PFKL: variants seen among roughly 807,000 people sequenced by gnomAD.
PFKL encodes ATP-dependent 6-phosphofructokinase, liver type.
In PFKL, 74 loss-of-function variants were observed where a neutral mutation model predicts 92.1. The ratio of observed to expected loss-of-function variants is 0.80; its 90% confidence interval spans 0.67 to 0.97. The LOEUF is 0.97. PFKL is among the 50% of genes least tolerant of loss of function. The pLI, the probability that PFKL is intolerant of heterozygous loss-of-function variation, is 0.00. For synonymous variants in PFKL, 494 were observed against 456.4 expected, an observed-to-expected ratio of 1.08 and a Z score of -1.05; for missense variants, 1,028 against 1,116.6, an observed-to-expected ratio of 0.92 and a Z score of 1.13.
At chr21:44,326,353 C>T in intron 21 of PFKL, 89 bp downstream of exon 21, 1 of 987,374 alleles carries the variant, frequency 1.0e-6, no homozygotes. Flanking sequence ...CCCAGCCCCA[C>T]TGGCACCCTG....
intron 7 of PFKL, chr21:44,315,918 G>T (rs747462319): frequency 1.8e-5 from 7 of 387,204 alleles, no homozygotes; most frequent in South Asian, 1.3e-4. Context: ...CGCCTGGAAG[G>T]CTTCACCAGA....
chr21:44,325,451 G>GTGGGGCTGGGGC, intron 19 of PFKL, 187 bp downstream of exon 19: 1 of 595,374 alleles, frequency 1.7e-6, no homozygotes, highest in Non-Finnish European at 3.0e-6. Context: ...TCAAGAAGGG[G>GTGGGGCTGGGGC]TGGGGCTGGG....
intron 19 of PFKL, chr21:44,325,579 C>T (rs1041883243): frequency 2.0e-6 from 1 of 510,702 alleles, no homozygotes; most frequent in Non-Finnish European, 3.6e-6. Flanking sequence ...ATGCTCCCTG[C>T]CTTATGGTGG....
rs1555874972 is a variant in PFKL at position 44,303,441 on chromosome 21, A to AAAAAAAAAAAAAAAAAAGACTTGATCG, written c.86-3226_86-3225insAAAGACTTGATCGAAAAAAAAAAAAAA. On this transcript the variant is annotated intron_variant, in intron 1 of 21. Transcript: ENST00000349048. ...AAAAAAACAGACTTGACCAAAAAAA[A>AAAAAAAAAAAAAAAAAAGACTTGATCG]AAAAAAAAAAAAAATGGCCCGGCCT... is the stretch of plus-strand genomic sequence containing the variant. Among the ~76,000 whole-genome samples, 14 of 97,136 alleles carry AAAAAAAAAAAAAAAAAAGACTTGATCG rather than the reference A, an allele frequency of 1.4e-4. 2 individuals are homozygous for AAAAAAAAAAAAAAAAAAGACTTGATCG. Among genetic ancestry groups the AAAAAAAAAAAAAAAAAAGACTTGATCG allele is most frequent in the African/African-American group, 3.7e-4 (7 of 18,970 alleles). The allele number at this position is 97,136 out of a possible 152,430, so 63.7% of individuals were successfully genotyped here. A position where few individuals can be genotyped will look rare whatever the true frequency, so the allele number is the denominator to read the frequency against.
At chr21:44,312,026 C>G in intron 3 of PFKL, 79 bp from the exon 4 acceptor site, 1 of 1,210,874 alleles carries the variant, frequency 8.3e-7, no homozygotes, top group South Asian at 1.9e-5. Context: ...GCTGCCCAGT[C>G]CTGGGGTCCC....
chr21:44,325,101 G>C lies in PFKL; in HGVS notation c.1878-52G>C, dbSNP rs567408693. 395 of 1,367,574 alleles carry C rather than the reference G, an allele frequency of 2.9e-4. 1 individual carries two copies. The East Asian group carries it at 5.8e-3, about 20-fold the overall frequency. The allele number at this position is 1,367,574 out of a possible 1,614,324, so 84.7% of individuals were successfully genotyped here. On this transcript the variant is annotated intron_variant, in intron 18 of 21. Coordinates refer to ENST00000349048, the MANE Select transcript of PFKL (RefSeq NM_002626.6). ...CTGGCCCAGCGGGGACTCAGGATCG[G>C]GGGGAGACCTGAACTCGTTCCCGCC...
intron 16 of PFKL, 115 bp downstream of exon 16, chr21:44,324,033 G>A: frequency 7.8e-7 from 1 of 1,276,694 alleles, no homozygotes; most frequent in Non-Finnish European, 1.1e-6. Flanking sequence ...GGGCTGCCAG[G>A]GTTGGGGTTT....
chr21:44,306,942 C>T (rs570735760), intron 2 of PFKL, among the ~76,000 whole-genome samples, 188 bp downstream of exon 2: 1 of 152,312 alleles, frequency 6.6e-6, no homozygotes, highest in Non-Finnish European at 1.5e-5. Context: ...AGAAAGAAGA[C>T]CTACTGCCTT....
In PFKL at chr21:44,326,243, T is replaced by C; in HGVS notation, c.2174T>C (p.Leu725Pro). 1 of 1,611,884 alleles carries C rather than the reference T, an allele frequency of 6.2e-7. No individual in the cohort carries two copies. The highest frequency in any genetic ancestry group is 8.5e-7 in the Non-Finnish European group (1 of 1,179,018). ...GTGGCCTTCAGCCCCGTCACTGAGCTCAAGAAAGACACTGATTTCGAGTGA... is the reference window on the plus strand; with the variant it reads ...GTGGCCTTCAGCCCCGTCACTGAGCCCAAGAAAGACACTGATTTCGAGTGA... ...KAVAFSPVTE[L>P]KKDTDFEHRM... is the part of the protein sequence containing the mutation. The change falls in exon 21 of 22, where the codon CTC becomes CCC. Residue 725 changes from leucine (L) to proline (P), a missense_variant. Physicochemically the swap from Leu to Pro is moderately conservative, Grantham distance 98. Coordinates refer to ENST00000349048, the MANE Select transcript of PFKL (RefSeq NM_002626.6).
intron 17 of PFKL, 35 bp downstream of exon 17, chr21:44,324,690 G>T (rs758020698): frequency 7.0e-6 from 11 of 1,563,978 alleles, no homozygotes; most frequent in Non-Finnish European, 9.5e-6. Context: ...CGGCAGACCT[G>T]CCGGCATGCC....
intron 7 of PFKL, chr21:44,315,280 C>T (rs572784142): frequency 6.6e-6 from 1 of 152,436 alleles, no homozygotes; most frequent in Admixed American, 6.5e-5. Flanking sequence ...CTGGTTCCTT[C>T]CTGCTCTGTG....
chr21:44,326,631 G>T lies in PFKL; in HGVS notation c.2196-84G>T, dbSNP rs554764324. On this transcript the variant is annotated intron_variant, in intron 21 of 21. Transcript: ENST00000349048. ...GGGCATGCACAGGCTGCAGGGTCGG[G>T]GGGGGTGGGGGGGCTGGGGACGTGG... 83 of 1,472,716 alleles carry T rather than the reference G, an allele frequency of 5.6e-5. 2 individuals carry two copies. The South Asian group carries it at 8.7e-4, about 15-fold the overall frequency. 91.2% of individuals were successfully genotyped at this position (1,472,716 alleles called of 1,614,324 possible).
At chr21:44,317,726 A>G (rs1423093160) in intron 9 of PFKL, among the ~76,000 whole-genome samples, 1 of 152,214 alleles carries the variant, frequency 6.6e-6, no homozygotes, top group African/African-American at 2.4e-5. Context: ...TAGCACGTGC[A>G]GTGGTAACCT....
chr21:44,319,741 A>C (rs1602042522), intron 11 of PFKL: 1 of 522,444 alleles, frequency 1.9e-6, no homozygotes, highest in Non-Finnish European at 3.4e-6. Flanking sequence ...GGGTGTGGGT[A>C]CCACCCCCCT....
At chr21:44,313,879 G>A (rs1373806465) in intron 6 of PFKL, 34 bp from the exon 7 acceptor site, 7 of 1,509,822 alleles carry the variant, frequency 4.6e-6, no homozygotes, top group Non-Finnish European at 6.3e-6. Context: ...CGGCTGGGTG[G>A]GGGTCCTGAG....
intron 1 of PFKL, among the ~76,000 whole-genome samples, chr21:44,306,290 C>A (rs1475192984): frequency 1.3e-5 from 2 of 152,168 alleles, no homozygotes; most frequent in Non-Finnish European, 2.9e-5. Context: ...GCCTGATTGC[C>A]ATGCTCTGCA....
chr21:44,313,806 C>A, intron 6 of PFKL, 107 bp from the exon 7 acceptor site: 1 of 1,322,062 alleles, frequency 7.6e-7, no homozygotes, highest in South Asian at 1.3e-5. Context: ...GGGTGGGGGC[C>A]GGGAGAGACA....
Position 44,323,747 on chromosome 21 carries a change from C to T in PFKL, c.1498-19C>T, listed in dbSNP as rs200938761. On this transcript the variant is annotated intron_variant, in intron 15 of 21. Coordinates refer to ENST00000349048, the MANE Select transcript of PFKL (RefSeq NM_002626.6). The stretch of plus-strand genomic sequence containing the variant: ...GGCCTCGGTGCTGCCCTTGACCTGC[C>T]CCGTCCCTACTGCTGCAGGCCTATG... The T allele has an allele frequency of 1.4e-4, 226 of 1,604,764 alleles. No individual in the cohort carries two copies. The highest frequency in any genetic ancestry group is 3.0e-4 in the Admixed American group (18 of 59,072).
chr21:44,326,863 G>A lies in PFKL; in HGVS notation c.*1G>A, dbSNP rs778234801. 5.6e-6 allele frequency: 9 copies of A among 1,605,360 alleles called. No homozygotes were observed. The highest frequency in any genetic ancestry group is 1.3e-5 in the African/African-American group (1 of 74,868). ...CCTGAGCATGGACAAGGGCTTCTGA[G>A]GCCAGCCATGCCCACGCCCCTCCCC... is the stretch of plus-strand genomic sequence containing the variant. On this transcript the variant is annotated 3_prime_UTR_variant, in exon 22 of 22. Coordinates refer to ENST00000349048, the MANE Select transcript of PFKL (RefSeq NM_002626.6).
Sources: gnomAD v4.1 joint callset for allele counts (sites outside exome capture counted in the v4.1 genomes callset) on GRCh38, gnomAD v4.1.1 for gene constraint, MANE v1.5 for transcripts, NCBI Gene and HGNC (gene_info 2026-07-23, HGNC 2026-07-21) for gene names.